Variants in CNTNAP2 observed in about 807,000 individuals in gnomAD.
CNTNAP2 encodes the protein contactin associated protein 2, also known as contactin-associated protein-like 2.
CNTNAP2 carries 98 observed loss-of-function variants against 155.2 expected under a neutral mutation model. That is an observed-to-expected ratio of 0.63 (90% CI 0.54 to 0.75). The LOEUF (loss-of-function observed/expected upper bound fraction) is 0.75. Ranked by LOEUF, CNTNAP2 falls within the 30% of genes least tolerant of loss-of-function variation. The pLI, the probability that CNTNAP2 is intolerant of heterozygous loss-of-function variation, is 0.00. For synonymous variants in CNTNAP2, 651 were observed against 631.2 expected (o/e 1.03, Z -0.47); for missense variants, 1,727 against 1,688.1 (o/e 1.02, Z -0.40).
chr7:146,525,591 C>A (rs1380492086), intron 1 of CNTNAP2, among the ~76,000 whole-genome samples: 1 of 148,662 alleles, frequency 6.7e-6, no homozygotes, highest in African/African-American at 2.6e-5. Context: ...TATCTATCAT[C>A]TATCTATCAT....
At chr7:147,102,101 G>T (rs1800668753) in intron 4 of CNTNAP2, among the ~76,000 whole-genome samples, 1 of 152,076 alleles carries the variant, frequency 6.6e-6, no homozygotes, top group East Asian at 1.9e-4. Flanking sequence ...GCTCATGATA[G>T]TACATATAAA....
At chr7:148,089,067 C>T (rs1248145112) in intron 15 of CNTNAP2, among the ~76,000 whole-genome samples, 1 of 152,004 alleles carries the variant, frequency 6.6e-6, no homozygotes, top group African/African-American at 2.4e-5. Context: ...ATGATCATCT[C>T]AATAGATGCA....
At chr7:148,389,303 G>A (rs1021240544) in intron 22 of CNTNAP2, among the ~76,000 whole-genome samples, 13 of 152,118 alleles carry the variant, frequency 8.5e-5, no homozygotes, top group South Asian at 2.1e-4. Flanking sequence ...TGCTGTTGTC[G>A]TGACAGTGAA....
intron 21 of CNTNAP2, among the ~76,000 whole-genome samples, chr7:148,327,914 GACCTTGATCCAGA>G (rs1180017911): frequency 2.0e-5 from 3 of 151,790 alleles, no homozygotes; most frequent in African/African-American, 7.3e-5. Context: ...TGGATCTTCT[GACCTTGATCCAGA>G]GTTTACAGGT....
At chr7:146,792,325 C>A (rs992857522) in intron 2 of CNTNAP2, among the ~76,000 whole-genome samples, 1 of 151,610 alleles carries the variant, frequency 6.6e-6, no homozygotes, top group East Asian at 1.9e-4. Context: ...GGCAAAATGG[C>A]ATGAATAAAA....
At chr7:146,893,020 A>G (rs1294995499) in intron 3 of CNTNAP2, among the ~76,000 whole-genome samples, 1 of 152,186 alleles carries the variant, frequency 6.6e-6, no homozygotes, top group Non-Finnish European at 1.5e-5. Flanking sequence ...AGTAATTGGT[A>G]GGAAAAAATA....
intron 1 of CNTNAP2, among the ~76,000 whole-genome samples, chr7:146,483,330 C>CAT (rs760173787): frequency 5.0e-5 from 2 of 40,292 alleles, no homozygotes; most frequent in Non-Finnish European, 9.1e-5. Flanking sequence ...TATATATATA[C>CAT]ATATATATAT....
chr7:146,505,654 A>G (rs971879476), intron 1 of CNTNAP2, among the ~76,000 whole-genome samples: 1 of 152,214 alleles, frequency 6.6e-6, no homozygotes, highest in Non-Finnish European at 1.5e-5. Flanking sequence ...GCAAGGGACT[A>G]TGATAGCCAA....
At chr7:147,407,710 A>C (rs994980211) in intron 10 of CNTNAP2, among the ~76,000 whole-genome samples, 1 of 152,210 alleles carries the variant, frequency 6.6e-6, no homozygotes, top group Non-Finnish European at 1.5e-5. Flanking sequence ...CTATGTTAAG[A>C]AGCATGTAAG....
intron 3 of CNTNAP2, among the ~76,000 whole-genome samples, chr7:147,006,712 A>T (rs937182855): frequency 9.9e-5 from 15 of 152,096 alleles, no homozygotes; most frequent in African/African-American, 3.4e-4. Flanking sequence ...AAATATCTTC[A>T]TATACACTTC....
rs113425768 is a variant in CNTNAP2 at position 147,224,157 on chromosome 7, C to T, written c.1349-75984C>T. Among the ~76,000 whole-genome samples, 504 of 152,168 alleles carry T rather than the reference C, an allele frequency of 3.3e-3. 5 individuals carry two copies. Among genetic ancestry groups the T allele is most frequent in the African/African-American group, 0.011 (472 of 41,544 alleles). ...GGCAGCAGTTTGCCCTGTGACCTTACTTCTGTTTTGGATCTAAGAAGAGTT... is the reference window on the plus strand; with the variant it reads ...GGCAGCAGTTTGCCCTGTGACCTTATTTCTGTTTTGGATCTAAGAAGAGTT... On this transcript the variant is annotated intron_variant, in intron 8 of 23. Coordinates refer to ENST00000361727, the MANE Select transcript of CNTNAP2 (RefSeq NM_014141.6).
chr7:146,630,496 C>T (rs1309600781), intron 1 of CNTNAP2, among the ~76,000 whole-genome samples: 1 of 152,024 alleles, frequency 6.6e-6, no homozygotes, highest in Non-Finnish European at 1.5e-5. Context: ...TGGGTATATA[C>T]CCAGTTATGA....
At chr7:146,909,236 T>A (rs1350167302) in intron 3 of CNTNAP2, among the ~76,000 whole-genome samples, 3 of 147,298 alleles carry the variant, frequency 2.0e-5, no homozygotes, top group Admixed American at 2.0e-4. Flanking sequence ...AAGGAGGAAC[T>A]GGTACCATTC....
intron 1 of CNTNAP2, among the ~76,000 whole-genome samples, chr7:146,508,717 TG>T (rs1309906042): frequency 3.9e-5 from 6 of 152,172 alleles, no homozygotes; most frequent in Admixed American, 2.0e-4. Flanking sequence ...AGCATCTGGG[TG>T]GGACATGGTC....
At chr7:147,469,282 A>G (rs974376992) in intron 10 of CNTNAP2, among the ~76,000 whole-genome samples, 47 of 152,268 alleles carry the variant, frequency 3.1e-4, no homozygotes, top group African/African-American at 1.1e-3. Context: ...AAAACTCTAC[A>G]AAAGTATCTT....
intron 1 of CNTNAP2, among the ~76,000 whole-genome samples, chr7:146,616,787 T>C (rs1314760815): frequency 6.6e-6 from 1 of 152,202 alleles, no homozygotes; most frequent in Non-Finnish European, 1.5e-5. Context: ...ATTTGTAGCA[T>C]TCCTTTTCTG....
At chr7:147,009,101 A>G (rs1798577914) in intron 3 of CNTNAP2, among the ~76,000 whole-genome samples, 3 of 152,086 alleles carry the variant, frequency 2.0e-5, no homozygotes, top group Admixed American at 2.0e-4. Flanking sequence ...TAGATTATGC[A>G]TATATAGAAA....
intron 1 of CNTNAP2, among the ~76,000 whole-genome samples, chr7:146,598,632 C>G (rs564657563): frequency 6.6e-6 from 1 of 151,974 alleles, no homozygotes; most frequent in Admixed American, 6.6e-5. Context: ...TTTGCTTGGC[C>G]TCTGGAACCC....
At chr7:146,694,019 A>T (rs556412333) in intron 1 of CNTNAP2, among the ~76,000 whole-genome samples, 1 of 152,330 alleles carries the variant, frequency 6.6e-6, no homozygotes, top group African/African-American at 2.4e-5. Context: ...GATTAAAAAA[A>T]ATCATTTCAC....
Sources: gnomAD v4.1 joint callset for allele counts (sites outside exome capture counted in the v4.1 genomes callset) on GRCh38, gnomAD v4.1.1 for gene constraint, MANE v1.5 for transcripts, NCBI Gene and HGNC (gene_info 2026-07-23, HGNC 2026-07-21) for gene names.